LIMA1: variants seen among roughly 807,000 people sequenced by gnomAD.
LIMA1 encodes the protein LIM domain and actin binding 1.
In LIMA1, 52 loss-of-function variants were observed where a neutral mutation model predicts 62.6. That is an observed-to-expected ratio of 0.83 (90% CI 0.67 to 1.05). The LOEUF is 1.05. LIMA1 is among the 50% of genes least tolerant of loss of function. The pLI, the probability that LIMA1 is intolerant of heterozygous loss-of-function variation, is 0.00. For synonymous variants in LIMA1, 302 were observed against 317.8 expected (o/e 0.95, Z 0.53); for missense variants, 780 against 902.2 (o/e 0.86, Z 1.74).
At chr12:50,275,155 T>C (rs1942261063) in intron 1 of LIMA1, among the ~76,000 whole-genome samples, 1 of 151,632 alleles carries the variant, frequency 6.6e-6, no homozygotes, top group Admixed American at 6.6e-5. Flanking sequence ...CCAGGAGTTC[T>C]AGACCAGCCT....
chr12:50,237,378 T>C (rs1383386039), intron 2 of LIMA1, among the ~76,000 whole-genome samples: 2 of 152,240 alleles, frequency 1.3e-5, no homozygotes, highest in African/African-American at 4.8e-5. Context: ...GGCTCACGCC[T>C]GTAATCCCAG....
chr12:50,255,106 C>T (rs1196359239), intron 1 of LIMA1, among the ~76,000 whole-genome samples: 1 of 151,848 alleles, frequency 6.6e-6, no homozygotes, highest in African/African-American at 2.4e-5. Flanking sequence ...AACCAGCCCT[C>T]CCCAAGCCAC....
At chr12:50,225,361 T>C (rs1175561862) in intron 3 of LIMA1, among the ~76,000 whole-genome samples, 1 of 152,194 alleles carries the variant, frequency 6.6e-6, no homozygotes, top group Admixed American at 6.6e-5. Context: ...TTTTCCCTAC[T>C]TGACTCCCCA....
At chr12:50,238,289 G>A (rs1476953647) in intron 2 of LIMA1, among the ~76,000 whole-genome samples, 1 of 151,860 alleles carries the variant, frequency 6.6e-6, no homozygotes, top group African/African-American at 2.4e-5. Context: ...GGCGGATCAT[G>A]TGAGGTCAGG....
chr12:50,178,350 C>T (rs924678369), intron 10 of LIMA1, among the ~76,000 whole-genome samples: 1 of 151,950 alleles, frequency 6.6e-6, no homozygotes, highest in Non-Finnish European at 1.5e-5. Flanking sequence ...AGTTTGAGAC[C>T]AGCCCGGCCA....
chr12:50,201,327 GGAAA>G (rs1306580447), intron 6 of LIMA1: 1 of 987,080 alleles, frequency 1.0e-6, no homozygotes, highest in African/African-American at 1.7e-5. Flanking sequence ...TGCCCGGCCT[GGAAA>G]GAGAGACAGG....
chr12:50,240,994 G>C lies in LIMA1; in HGVS notation c.119+7639C>G, dbSNP rs113476121. Among the ~76,000 whole-genome samples, 289 of 152,282 alleles carry C rather than the reference G, an allele frequency of 1.9e-3. 1 individual carries two copies. Among genetic ancestry groups the C allele is most frequent in the African/African-American group, 6.6e-3 (274 of 41,556 alleles). On this transcript the variant is annotated intron_variant, in intron 2 of 10. Coordinates refer to ENST00000341247, the MANE Select transcript of LIMA1 (RefSeq NM_016357.5). ...AAATGTGGGAGGGAAAAAGTGGTGA[G>C]AGTTCATGTAAGATAAAGGCCAAGA...
intron 4 of LIMA1, among the ~76,000 whole-genome samples, chr12:50,217,040 T>C (rs997193736): frequency 2.6e-5 from 4 of 152,052 alleles, no homozygotes; most frequent in Non-Finnish European, 5.9e-5. Flanking sequence ...AAATAAATAC[T>C]ATGAACTAAG....
intron 4 of LIMA1, among the ~76,000 whole-genome samples, chr12:50,207,513 C>G (rs1941175322): frequency 6.6e-6 from 1 of 152,120 alleles, no homozygotes; most frequent in Non-Finnish European, 1.5e-5. Flanking sequence ...GAATAAAACA[C>G]TTAGCACCCT....
chr12:50,234,163 AT>A (rs1363252630), intron 2 of LIMA1: 2 of 454,124 alleles, frequency 4.4e-6, no homozygotes. Flanking sequence ...TGGTCCGGAG[AT>A]TTGTGCAGGT....
chr12:50,177,296 C>A lies in LIMA1; in HGVS notation c.2048G>T (p.Gly683Val), dbSNP rs147543382. Residue 683 changes from glycine to valine, a missense_variant, in exon 11 of 11, where the codon GGT becomes GTT. By Grantham distance (109) the Gly-to-Val change is moderately radical. Coordinates refer to ENST00000341247, the MANE Select transcript of LIMA1 (RefSeq NM_016357.5). ...EMENENLVEN[G>V]ADSDEDDNSF... ...GTTATCATCTTCATCGGAGTCTGCA[C>A]CATTTTCTACAAGATTCTCATTCTC... is the stretch of plus-strand genomic sequence containing the variant. 1 of 1,614,162 alleles carries A rather than the reference C, an allele frequency of 6.2e-7. No individual in the cohort carries two copies. Among genetic ancestry groups the A allele is most frequent in the South Asian group, 1.1e-5 (1 of 91,078 alleles).
At position 50,207,295 on chromosome 12, in the gene LIMA1, A is replaced by G. The variant is rs542435533; in HGVS notation, c.631-1227T>C. On this transcript the variant is annotated intron_variant, in intron 4 of 10. Transcript: ENST00000341247. ...ACTACATTTATCTCTGTCATATCTA[A>G]GGTAGATCTTTAATGAAAGTTACAA... is the stretch of plus-strand genomic sequence containing the variant. Among the ~76,000 whole-genome samples the G allele has an allele frequency of 2.0e-3, 298 of 152,276 alleles. 1 individual carries two copies. The highest frequency in any genetic ancestry group is 6.5e-3 in the African/African-American group (269 of 41,568).
chr12:50,193,639 TG>T, intron 8 of LIMA1, among the ~76,000 whole-genome samples: 1 of 84,572 alleles, frequency 1.2e-5, no homozygotes, highest in Non-Finnish European at 2.3e-5. Flanking sequence ...TACGTGTGTG[TG>T]TGTGTGTGTG....
At chr12:50,190,800 G>A (rs1217884264) in intron 9 of LIMA1, among the ~76,000 whole-genome samples, 1 of 140,942 alleles carries the variant, frequency 7.1e-6, no homozygotes, top group African/African-American at 2.7e-5. Context: ...TAAACAACAG[G>A]TCCTAAAAAA....
intron 1 of LIMA1, among the ~76,000 whole-genome samples, chr12:50,278,079 C>T (rs1413311090): frequency 6.6e-6 from 1 of 151,066 alleles, no homozygotes; most frequent in Admixed American, 6.6e-5. Flanking sequence ...GGCTTGAGGT[C>T]AGCCTGATCA....
chr12:50,250,995 C>T (rs1941922848), intron 1 of LIMA1, among the ~76,000 whole-genome samples: 1 of 152,142 alleles, frequency 6.6e-6, no homozygotes, highest in Non-Finnish European at 1.5e-5. Context: ...AATCTTAATT[C>T]TATACATGTA....
At chr12:50,253,796 C>T (rs1592557366) in intron 1 of LIMA1, among the ~76,000 whole-genome samples, 2 of 152,070 alleles carry the variant, frequency 1.3e-5, no homozygotes, top group East Asian at 3.9e-4. Flanking sequence ...GAGGCTGAGG[C>T]AGGCGGATCA....
chr12:50,178,518 G>A (rs1249509827), intron 10 of LIMA1, among the ~76,000 whole-genome samples: 1 of 149,594 alleles, frequency 6.7e-6, no homozygotes, highest in African/African-American at 2.5e-5. Context: ...CTGTGATAGA[G>A]CGAGACTGTC....
intron 9 of LIMA1, among the ~76,000 whole-genome samples, chr12:50,191,989 G>A (rs989634344): frequency 6.6e-6 from 1 of 151,720 alleles, no homozygotes; most frequent in Non-Finnish European, 1.5e-5. Context: ...AAAAAAATTA[G>A]CCAGGCATGG....
Sources: allele counts gnomAD v4.1 joint callset (sites outside exome capture counted in the v4.1 genomes callset), GRCh38; gene constraint gnomAD v4.1.1; transcripts MANE v1.5; gene names NCBI Gene and HGNC (gene_info 2026-07-23, HGNC 2026-07-21).